Variants in RGS7 observed in about 807,000 individuals in gnomAD.
The protein encoded by RGS7 is regulator of G-protein signaling 7.
A neutral mutation model predicts 81.1 loss-of-function variants in RGS7; 27 were observed. The ratio of observed to expected loss-of-function variants is 0.33; its 90% CI spans 0.25 to 0.46. The LOEUF is 0.46. Ranked by LOEUF, RGS7 falls within the 20% of genes least tolerant of loss-of-function variation. The probability of loss-of-function intolerance (pLI) is 1.00; values close to 1 mark genes in which losing one functional copy is unlikely to be tolerated. For missense variants in RGS7, 396 were observed against 607.4 expected (o/e 0.65, Z 3.66); for synonymous variants, 208 against 207.7 (o/e 1.00, Z -0.01).
At chr1:240,834,818 G>A (rs1409269682) in intron 9 of RGS7, among the ~76,000 whole-genome samples, 1 of 151,828 alleles carries the variant, frequency 6.6e-6, no homozygotes, top group African/African-American at 2.4e-5. Flanking sequence ...GCCCGACTTT[G>A]GCTTAATTCT....
At chr1:240,912,129 C>T (rs1444792123) in intron 6 of RGS7, among the ~76,000 whole-genome samples, 5 of 108,808 alleles carry the variant, frequency 4.6e-5, no homozygotes, top group East Asian at 3.0e-4. Context: ...CCAGCCTGGG[C>T]GACACAGCGA....
intron 2 of RGS7, among the ~76,000 whole-genome samples, chr1:241,233,047 C>T (rs2075754144): frequency 6.6e-6 from 1 of 152,116 alleles, no homozygotes; most frequent in Admixed American, 6.5e-5. Flanking sequence ...ATAATATAGT[C>T]CCCACCTGCT....
chr1:241,005,287 C>T (rs1051981650), intron 3 of RGS7, among the ~76,000 whole-genome samples: 7 of 152,158 alleles, frequency 4.6e-5, no homozygotes, highest in African/African-American at 1.7e-4. Flanking sequence ...CAGTTTTGCA[C>T]AGATTATATG....
At chr1:240,944,215 G>C (rs372459176) in intron 4 of RGS7, among the ~76,000 whole-genome samples, 1 of 145,424 alleles carries the variant, frequency 6.9e-6, no homozygotes, top group African/African-American at 2.6e-5. Flanking sequence ...GATTTAGATA[G>C]GTAGTTCCAT....
intron 18 of RGS7, among the ~76,000 whole-genome samples, chr1:240,793,713 C>T (rs1474039918): frequency 2.7e-5 from 4 of 149,588 alleles, no homozygotes; most frequent in Non-Finnish European, 5.9e-5. Context: ...CGGTTCACGC[C>T]ATTCTCCTGC....
chr1:240,982,097 C>T (rs765174816), intron 4 of RGS7, among the ~76,000 whole-genome samples: 5 of 152,112 alleles, frequency 3.3e-5, no homozygotes, highest in South Asian at 2.1e-4. Context: ...TTGTTTGCCA[C>T]GTGTGAAAGG....
At chr1:240,862,864 C>A (rs970959730) in intron 9 of RGS7, among the ~76,000 whole-genome samples, 3 of 151,540 alleles carry the variant, frequency 2.0e-5, no homozygotes, top group African/African-American at 4.8e-5. Flanking sequence ...AAAACCATAA[C>A]AAAAATAAGA....
At chr1:240,843,174 A>G (rs902790088) in intron 9 of RGS7, among the ~76,000 whole-genome samples, 2 of 151,486 alleles carry the variant, frequency 1.3e-5, no homozygotes, top group Non-Finnish European at 2.9e-5. Context: ...TCAAAAAAAT[A>G]AAATAAAAAT....
chr1:241,333,827 T>C (rs1018702068), intron 2 of RGS7, among the ~76,000 whole-genome samples: 2 of 151,838 alleles, frequency 1.3e-5, no homozygotes, highest in African/African-American at 4.9e-5. Flanking sequence ...GTACAAAGCT[T>C]TTCTCTTTAT....
chr1:241,295,313 C>T (rs547043857), intron 2 of RGS7, among the ~76,000 whole-genome samples: 13 of 151,458 alleles, frequency 8.6e-5, no homozygotes, highest in African/African-American at 2.9e-4. Context: ...ATTAGCCAGG[C>T]ATGGTGGTGC....
Position 241,207,197 on chromosome 1 carries a change from G to A in RGS7, c.79-108435C>T, listed in dbSNP as rs111891249. ...TTAGCCAGGTTGGTCTCAATCTCCC[G>A]ACCTCGTGATCTGCCCGCCTCGGCC... On this transcript the variant is annotated intron_variant, in intron 2 of 18. Transcript: ENST00000440928. 2.9e-3 allele frequency among the ~76,000 whole-genome samples: 430 copies of A among 150,754 alleles called. 4 individuals carry two copies. Among genetic ancestry groups the A allele is most frequent in the African/African-American group, 9.7e-3 (401 of 41,196 alleles).
rs375555400 is a variant in RGS7 at position 241,275,922 on chromosome 1, T to G, written c.78+79777A>C. 2.4e-4 allele frequency among the ~76,000 whole-genome samples: 37 copies of G among 152,320 alleles called. 1 individual carries two copies. The East Asian group carries it at 6.2e-3, about 25-fold the overall frequency. On this transcript the variant is annotated intron_variant, in intron 2 of 18. Transcript: ENST00000440928. The stretch of plus-strand genomic sequence containing the variant: ...AGCTGAGGCAAAACCTAACAATAAT[T>G]CTGATGAAGACTCAGTCATTTATTT...
chr1:241,213,329 T>C (rs1358116790), intron 2 of RGS7, among the ~76,000 whole-genome samples: 3 of 152,146 alleles, frequency 2.0e-5, no homozygotes, highest in Non-Finnish European at 2.9e-5. Flanking sequence ...TGAATGCGAA[T>C]CTCCTTTCAA....
At chr1:240,789,962 T>C (rs1685707728) in intron 18 of RGS7, among the ~76,000 whole-genome samples, 3 of 152,302 alleles carry the variant, frequency 2.0e-5, no homozygotes, top group Admixed American at 2.0e-4. Flanking sequence ...CCTGCCGACA[T>C]GTGATATCTC....
intron 14 of RGS7, among the ~76,000 whole-genome samples, chr1:240,811,701 TAC>T (rs1296786435): frequency 2.0e-5 from 3 of 152,242 alleles, no homozygotes; most frequent in Admixed American, 6.5e-5. Flanking sequence ...CATCTGGAGA[TAC>T]AGAGACGGCG....
intron 2 of RGS7, among the ~76,000 whole-genome samples, chr1:241,185,305 C>T (rs2071993687): frequency 6.6e-6 from 1 of 152,092 alleles, no homozygotes; most frequent in Admixed American, 6.6e-5. Flanking sequence ...TATGAAATCT[C>T]TATGACCACC....
At chr1:240,791,429 A>G (rs71648617) in intron 18 of RGS7, among the ~76,000 whole-genome samples, 8,062 of 152,342 alleles carry the variant, frequency 0.053, 298 homozygotes, top group South Asian at 0.084. Flanking sequence ...TAATATATCC[A>G]TGCTTATAGA....
intron 3 of RGS7, among the ~76,000 whole-genome samples, chr1:241,086,395 C>T (rs1204635382): frequency 6.6e-6 from 1 of 152,104 alleles, no homozygotes; most frequent in East Asian, 1.9e-4. Flanking sequence ...CCTTAACTCA[C>T]CTGCCCCCCT....
chr1:241,054,814 T>C (rs2148816569), intron 3 of RGS7, among the ~76,000 whole-genome samples: 1 of 152,318 alleles, frequency 6.6e-6, no homozygotes, highest in South Asian at 2.1e-4. Context: ...TCCACCTTTG[T>C]ATAAGCCAAC....
Sources: allele counts gnomAD v4.1 joint callset (sites outside exome capture counted in the v4.1 genomes callset), GRCh38; gene constraint gnomAD v4.1.1; transcripts MANE v1.5; gene names NCBI Gene and HGNC (gene_info 2026-07-23, HGNC 2026-07-21).